SP4: variants seen among roughly 807,000 people sequenced by gnomAD.
The protein encoded by SP4 is Sp4 transcription factor, also known as transcription factor Sp4.
In SP4, 19 loss-of-function variants were observed where a neutral mutation model predicts 72.8. That is an observed-to-expected ratio of 0.26 (90% CI 0.18 to 0.38). SP4 has a LOEUF of 0.38. Among genes scored for constraint, SP4 ranks in the 10% least tolerant of loss-of-function variants. SP4 has a pLI of 1.00. For synonymous variants in SP4, 395 were observed against 333.1 expected (o/e 1.19, Z -2.02); for missense variants, 1,008 against 926.3 (o/e 1.09, Z -1.14).
chr7:21,486,177 TG>T (rs763197816), intron 5 of SP4, among the ~76,000 whole-genome samples: 55 of 149,868 alleles, frequency 3.7e-4, no homozygotes, highest in Non-Finnish European at 6.5e-4. Context: ...TATTTTTTCT[TG>T]TTTTTTTTTT....
At position 21,429,969 on chromosome 7, in the gene SP4, G is replaced by C; in HGVS notation, c.804G>C (p.Leu268Phe). ...PINIGGVTLA[L>F]PVINNVAAGG... ...ACATTGGAGGAGTGACTCTAGCTTT[G>C]CCAGTGATAAACAACGTGGCTGCCG... Residue 268 changes from leucine to phenylalanine, a missense_variant, in exon 3 of 6, where the codon TTG becomes TTC. Leu to Phe is a conservative substitution (Grantham distance 22). Around this residue, in one of 3 missense-constraint regions of SP4, gnomAD observed 893 missense variants for 743.3 expected, o/e 1.20. Transcript: ENST00000222584. The C allele has an allele frequency of 6.2e-7, 1 of 1,614,134 alleles. No individual in the cohort carries two copies. Among genetic ancestry groups the C allele is most frequent in the East Asian group, 2.2e-5 (1 of 44,880 alleles).
intron 3 of SP4, among the ~76,000 whole-genome samples, chr7:21,432,433 T>C (rs1782892474): frequency 6.6e-6 from 1 of 152,214 alleles, no homozygotes; most frequent in African/African-American, 2.4e-5. Context: ...TATTAAGCAT[T>C]AGTGAGTTGT....
At chr7:21,459,429 C>A (rs1358115670) in intron 3 of SP4, among the ~76,000 whole-genome samples, 2 of 152,120 alleles carry the variant, frequency 1.3e-5, no homozygotes, top group African/African-American at 4.8e-5. Flanking sequence ...AATTCTTATA[C>A]CCACCCACAC....
At chr7:21,462,426 A>G (rs1463427014) in intron 3 of SP4, among the ~76,000 whole-genome samples, 1 of 152,212 alleles carries the variant, frequency 6.6e-6, no homozygotes, top group African/African-American at 2.4e-5. Context: ...TTTTAAGGGT[A>G]ATTCTGTAGA....
At chr7:21,469,498 G>A (rs543635857) in intron 3 of SP4, among the ~76,000 whole-genome samples, 1 of 151,800 alleles carries the variant, frequency 6.6e-6, no homozygotes, top group African/African-American at 2.4e-5. Context: ...GGTAGAAAGG[G>A]AGAAATCTTA....
At chr7:21,475,190 C>T (rs896559536) in intron 3 of SP4, among the ~76,000 whole-genome samples, 7 of 151,780 alleles carry the variant, frequency 4.6e-5, no homozygotes, top group Admixed American at 2.0e-4. Context: ...TTTCGGCTCA[C>T]TGAAACCTCT....
At chr7:21,452,878 G>A (rs559768105) in intron 3 of SP4, among the ~76,000 whole-genome samples, 1 of 151,852 alleles carries the variant, frequency 6.6e-6, no homozygotes, top group Non-Finnish European at 1.5e-5. Context: ...CACCTCCGAG[G>A]TTCAAGCGAT....
intron 3 of SP4, among the ~76,000 whole-genome samples, chr7:21,456,854 A>G (rs1231001325): frequency 3.3e-5 from 5 of 152,320 alleles, no homozygotes; most frequent in South Asian, 4.1e-4. Flanking sequence ...TGTAGACCCC[A>G]AGGTCTTTCC....
At chr7:21,482,703 C>A in intron 5 of SP4, 1 of 978,784 alleles carries the variant, frequency 1.0e-6, no homozygotes, top group Non-Finnish European at 1.2e-6. Context: ...TTTACGTACA[C>A]TTTTAATACT....
intron 5 of SP4, among the ~76,000 whole-genome samples, chr7:21,499,668 A>G (rs1781816933): frequency 6.6e-6 from 1 of 152,160 alleles, no homozygotes; most frequent in South Asian, 2.1e-4. Flanking sequence ...TAAGCCACCC[A>G]GTTTGTGGTA....
At chr7:21,452,376 T>C (rs1162860962) in intron 3 of SP4, among the ~76,000 whole-genome samples, 1 of 152,234 alleles carries the variant, frequency 6.6e-6, no homozygotes, top group Non-Finnish European at 1.5e-5. Flanking sequence ...TAAGCCCAGC[T>C]ATCAGTTGGT....
intron 3 of SP4, among the ~76,000 whole-genome samples, chr7:21,465,544 T>C (rs1784140528): frequency 6.6e-6 from 1 of 152,236 alleles, no homozygotes; most frequent in Non-Finnish European, 1.5e-5. Context: ...TATAGCCATT[T>C]AGTAAATTGA....
intron 5 of SP4, among the ~76,000 whole-genome samples, chr7:21,490,095 CTTAT>C (rs1382472773): frequency 6.6e-6 from 1 of 152,212 alleles, no homozygotes; most frequent in African/African-American, 2.4e-5. Context: ...GACAAGTTTA[CTTAT>C]TTGTTTTCTT....
chr7:21,491,039 A>G (rs1195771519), intron 5 of SP4, among the ~76,000 whole-genome samples: 2 of 152,200 alleles, frequency 1.3e-5, no homozygotes, highest in African/African-American at 4.8e-5. Flanking sequence ...ACTATGAGCC[A>G]CGTAAAGCTG....
At chr7:21,498,581 C>A (rs375137034) in intron 5 of SP4, among the ~76,000 whole-genome samples, 1 of 152,114 alleles carries the variant, frequency 6.6e-6, no homozygotes, top group Non-Finnish European at 1.5e-5. Flanking sequence ...TCCTTACATT[C>A]AAAAATGATT....
chr7:21,495,772 T>G (rs757270416), intron 5 of SP4, among the ~76,000 whole-genome samples: 3 of 152,112 alleles, frequency 2.0e-5, no homozygotes, highest in Non-Finnish European at 4.4e-5. Flanking sequence ...GTAAGAACTG[T>G]GTTCACACAA....
At chr7:21,457,308 C>CT (rs1362542559) in intron 3 of SP4, among the ~76,000 whole-genome samples, 1 of 152,068 alleles carries the variant, frequency 6.6e-6, no homozygotes, top group Non-Finnish European at 1.5e-5. Flanking sequence ...CAACTTTCAG[C>CT]TTTTGTAATG....
chr7:21,447,267 T>C (rs1783457357), intron 3 of SP4, among the ~76,000 whole-genome samples: 1 of 152,194 alleles, frequency 6.6e-6, no homozygotes, highest in Non-Finnish European at 1.5e-5. Flanking sequence ...CTCCTAACCT[T>C]TCCAAAACCC....
Position 21,428,779 on chromosome 7 carries a change from C to T in SP4, c.110C>T (p.Thr37Ile). 1 of 1,550,204 alleles carries T rather than the reference C, an allele frequency of 6.5e-7. No homozygotes were observed. The highest frequency in any genetic ancestry group is 8.7e-7 in the Non-Finnish European group (1 of 1,146,648). ...GAGAATAACAATAAAAAACCCAAAACCTCAGGCTCCCAGGTAAAAGCAAAC... is the reference window on the plus strand; with the variant it reads ...GAGAATAACAATAAAAAACCCAAAATCTCAGGCTCCCAGGTAAAAGCAAAC... The part of the protein sequence containing the change: ...EPENNNKKPK[T>I]SGSQDSQPSP... The change falls in exon 2 of 6, where the codon ACC (threonine) becomes ATC (isoleucine). Residue 37 changes from threonine to isoleucine, a missense_variant. By Grantham distance (89) the Thr-to-Ile change is moderately conservative. This residue lies in a region of SP4 where 893 missense variants were observed against 743.3 expected (regional missense o/e 1.20). Coordinates refer to ENST00000222584, the MANE Select transcript of SP4 (RefSeq NM_003112.5).
Sources: gnomAD v4.1 joint callset for allele counts (sites outside exome capture counted in the v4.1 genomes callset) on GRCh38, gnomAD v4.1.1 for gene constraint, gnomAD v4.1.1 regional missense constraint, MANE v1.5 for transcripts, NCBI Gene and HGNC (gene_info 2026-07-23, HGNC 2026-07-21) for gene names.